The following LPAR1 variants were observed in gnomAD, a reference collection of about 807,000 sequenced individuals.
The protein encoded by LPAR1 is LPA receptor 1.
A neutral mutation model predicts 23.8 loss-of-function variants in LPAR1; 5 were observed. The observed-to-expected ratio is 0.21, with a 90% confidence interval of 0.11 to 0.44. The LOEUF (loss-of-function observed/expected upper bound fraction) is 0.44. LPAR1 is among the 20% of genes least tolerant of loss of function. The pLI, the probability that LPAR1 is intolerant of heterozygous loss-of-function variation, is 0.99. For synonymous variants in LPAR1, 160 were observed against 164.7 expected, an observed-to-expected ratio of 0.97 and a Z score of 0.22; for missense variants, 311 against 482.8, an observed-to-expected ratio of 0.64 and a Z score of 3.33.
chr9:110,943,720 C>T (rs990872867), intron 4 of LPAR1, among the ~76,000 whole-genome samples: 1 of 151,860 alleles, frequency 6.6e-6, no homozygotes, highest in African/African-American at 2.4e-5. Context: ...ATTAGTCAGA[C>T]ATGGTGGTGG....
chr9:110,958,405 A>G (rs142154580), intron 4 of LPAR1, among the ~76,000 whole-genome samples: 5 of 152,330 alleles, frequency 3.3e-5, no homozygotes, highest in South Asian at 2.1e-4. Flanking sequence ...AACAGAATAG[A>G]AAACACAGAA....
At chr9:111,034,823 C>T (rs1456776633) in intron 2 of LPAR1, among the ~76,000 whole-genome samples, 1 of 152,162 alleles carries the variant, frequency 6.6e-6, no homozygotes, top group Non-Finnish European at 1.5e-5. Context: ...AAAATAACAT[C>T]AGAGGTCCCC....
chr9:111,020,549 G>C (rs1422158348), intron 2 of LPAR1, among the ~76,000 whole-genome samples: 2 of 152,208 alleles, frequency 1.3e-5, no homozygotes, highest in African/African-American at 2.4e-5. Flanking sequence ...GGGCTATCCA[G>C]AATGCCTTTT....
intron 5 of LPAR1, among the ~76,000 whole-genome samples, chr9:110,891,664 A>G (rs953501663): frequency 5.3e-5 from 8 of 152,254 alleles, no homozygotes; most frequent in African/African-American, 1.9e-4. Flanking sequence ...GGAGGGATAT[A>G]AAAGTCAGAT....
At chr9:110,904,788 A>T (rs1005232661) in intron 5 of LPAR1, among the ~76,000 whole-genome samples, 21 of 152,234 alleles carry the variant, frequency 1.4e-4, no homozygotes, top group African/African-American at 5.1e-4. Flanking sequence ...AATTCTATAC[A>T]TTATTACAGG....
chr9:110,878,341 A>T (rs1298309132), intron 5 of LPAR1, among the ~76,000 whole-genome samples: 1 of 152,170 alleles, frequency 6.6e-6, no homozygotes, highest in Non-Finnish European at 1.5e-5. Flanking sequence ...AGGATGCACT[A>T]CAGAAGACGA....
chr9:111,007,644 T>C (rs2097247408), intron 2 of LPAR1, among the ~76,000 whole-genome samples: 2 of 152,188 alleles, frequency 1.3e-5, no homozygotes, highest in Admixed American at 6.5e-5. Context: ...TGCTGCACTT[T>C]CGAGCACTGT....
intron 2 of LPAR1, among the ~76,000 whole-genome samples, chr9:111,003,750 C>T (rs1353817669): frequency 6.6e-6 from 1 of 152,104 alleles, no homozygotes. Flanking sequence ...GAAAACCAAA[C>T]CATTCTTTGT....
chr9:111,029,410 C>T (rs116335703), intron 2 of LPAR1, among the ~76,000 whole-genome samples: 1,810 of 152,094 alleles, frequency 0.012, 39 homozygotes, highest in African/African-American at 0.041. Context: ...TCTCCAGTAC[C>T]CTTCTACCTC....
At chr9:110,885,652 G>A (rs139246824) in intron 5 of LPAR1, among the ~76,000 whole-genome samples, 22 of 152,260 alleles carry the variant, frequency 1.4e-4, no homozygotes, top group Non-Finnish European at 2.2e-4. Flanking sequence ...TAATTTACTC[G>A]CAATCAAACA....
chr9:110,944,456 C>G (rs2095301096), intron 4 of LPAR1, among the ~76,000 whole-genome samples: 1 of 152,072 alleles, frequency 6.6e-6, no homozygotes, highest in South Asian at 2.1e-4. Flanking sequence ...AAAACTTTGT[C>G]AAGACAAATA....
chr9:110,923,680 G>A (rs1207876144), intron 5 of LPAR1, among the ~76,000 whole-genome samples: 1 of 152,206 alleles, frequency 6.6e-6, no homozygotes, highest in Non-Finnish European at 1.5e-5. Flanking sequence ...AACCTTTTGA[G>A]GTTTTACTGT....
intron 2 of LPAR1, among the ~76,000 whole-genome samples, chr9:110,994,931 A>C (rs1349354404): frequency 6.6e-6 from 1 of 152,216 alleles, no homozygotes; most frequent in Non-Finnish European, 1.5e-5. Flanking sequence ...TCTAGACCAC[A>C]GTCAACAGCG....
chr9:110,912,894 C>A (rs2092636739), intron 5 of LPAR1, among the ~76,000 whole-genome samples: 1 of 152,158 alleles, frequency 6.6e-6, no homozygotes, highest in Non-Finnish European at 1.5e-5. Context: ...AACAGGCTGA[C>A]CTTAGCTAAA....
intron 5 of LPAR1, among the ~76,000 whole-genome samples, chr9:110,892,201 T>C (rs1489167256): frequency 6.6e-6 from 1 of 152,184 alleles, no homozygotes; most frequent in East Asian, 1.9e-4. Flanking sequence ...TACTAGTCTG[T>C]AATAGAAACA....
At chr9:111,031,677 T>C (rs1365722112) in intron 2 of LPAR1, among the ~76,000 whole-genome samples, 1 of 152,122 alleles carries the variant, frequency 6.6e-6, no homozygotes, top group African/African-American at 2.4e-5. Context: ...GAGCAAAGAA[T>C]CTCAAACACA....
chr9:110,926,566 T>G (rs1415763328), intron 5 of LPAR1, among the ~76,000 whole-genome samples: 1 of 152,180 alleles, frequency 6.6e-6, no homozygotes, highest in Non-Finnish European at 1.5e-5. Flanking sequence ...GTGACAAATT[T>G]TCCTAGGGTG....
intron 2 of LPAR1, among the ~76,000 whole-genome samples, chr9:111,028,088 A>T (rs2097729732): frequency 6.6e-6 from 1 of 152,046 alleles, no homozygotes; most frequent in Non-Finnish European, 1.5e-5. Flanking sequence ...CGTAAAAGCA[A>T]ATATTTTTAA....
intron 2 of LPAR1, among the ~76,000 whole-genome samples, chr9:110,986,284 C>T (rs566759091): frequency 6.6e-6 from 1 of 152,064 alleles, no homozygotes; most frequent in Admixed American, 6.6e-5. Flanking sequence ...GTTTTCAGTC[C>T]GTAGTTTTCA....
Sources: allele counts gnomAD v4.1 joint callset (sites outside exome capture counted in the v4.1 genomes callset), GRCh38; gene constraint gnomAD v4.1.1; transcripts MANE v1.5; gene names NCBI Gene and HGNC (gene_info 2026-07-23, HGNC 2026-07-21).